RBM4: variants seen among roughly 807,000 people sequenced by gnomAD.
The protein encoded by RBM4 is RNA binding motif protein 4.
Under a neutral mutation model 29.5 loss-of-function variants are expected in RBM4, and 7 were observed. That is an observed-to-expected ratio of 0.24 (90% CI 0.14 to 0.45). The LOEUF is 0.45. Ranked by LOEUF, RBM4 falls within the 20% of genes least tolerant of loss-of-function variation. The probability of loss-of-function intolerance (pLI) is 1.00; values close to 1 mark genes in which losing one functional copy is unlikely to be tolerated. For synonymous variants in RBM4, 220 were observed against 205.4 expected (o/e 1.07, Z -0.61); for missense variants, 387 against 502.3 (o/e 0.77, Z 2.19).
At chr11:66,663,165 A>G (rs1339700625) in intron 2 of RBM4, among the ~76,000 whole-genome samples, 3 of 152,220 alleles carry the variant, frequency 2.0e-5, no homozygotes, top group Non-Finnish European at 4.4e-5. Flanking sequence ...AATGTGTTCT[A>G]TGGGGATCTA....
At chr11:66,665,412 G>A (rs1468464919) in intron 2 of RBM4, 3 of 652,386 alleles carry the variant, frequency 4.6e-6, no homozygotes, top group Admixed American at 2.5e-5. Flanking sequence ...GTTTCAGGAG[G>A]AAAGAAAAGT....
chr11:66,668,189 T>A (rs1315324740), exon 3 of RBM4: 1 of 165,168 alleles, frequency 6.1e-6, no homozygotes, highest in African/African-American at 2.4e-5. Flanking sequence ...TACCTTTCAT[T>A]TATCAAATGA....
chr11:66,640,963 A>C (rs1938430371), intron 2 of RBM4: 1 of 152,162 alleles, frequency 6.6e-6, no homozygotes, highest in Non-Finnish European at 1.5e-5. Flanking sequence ...TGGATTTTGA[A>C]TTTTCAGATT....
At chr11:66,657,480 G>C (rs1181304955) in intron 2 of RBM4, among the ~76,000 whole-genome samples, 1 of 151,378 alleles carries the variant, frequency 6.6e-6, no homozygotes, top group Non-Finnish European at 1.5e-5. Flanking sequence ...TCAGGAGCTC[G>C]AGAGCAGCCT....
intron 2 of RBM4, among the ~76,000 whole-genome samples, chr11:66,659,666 C>G (rs1002473959): frequency 6.6e-6 from 1 of 152,028 alleles, no homozygotes; most frequent in Non-Finnish European, 1.5e-5. Context: ...TTCAGTCTTC[C>G]TTATCCCATT....
downstream of RBM4, among the ~76,000 whole-genome samples, chr11:66,647,169 A>T (rs1043267224): frequency 6.6e-6 from 1 of 152,170 alleles, no homozygotes; most frequent in Non-Finnish European, 1.5e-5. Flanking sequence ...TTTGGTCTGT[A>T]CCTTCTTGCT....
exon 3 of RBM4, chr11:66,666,954 A>C (rs969944056): frequency 6.6e-6 from 1 of 150,824 alleles, no homozygotes; most frequent in African/African-American, 2.4e-5. Flanking sequence ...ACTCTTGCCC[A>C]GGCTGGAGTG....
rs770805530 is a variant in RBM4, at chr11:66,643,559, G to A, written c.522G>A (p.Glu174=). The change falls in exon 3 of 4, where the codon GAG becomes GAA. Residue 174 remains glutamate, a synonymous_variant. Transcript: ENST00000310092. This position sits in a 1 kb window ranked among gnomAD's most constrained non-coding sequence, Gnocchi z 6.1. ...GGAAAGAGGGGCACTGGTCCAAAGA[G>A]TGTCCGATAGATCGTTCAGGCCGCG... ...RCGKEGHWSK[E]CPIDRSGRVA... 3 of 1,614,150 alleles carry A rather than the reference G, an allele frequency of 1.9e-6. No individual in the cohort carries two copies. In the South Asian group the frequency reaches 3.3e-5, roughly 18 times the overall value.
intron 3 of RBM4, chr11:66,644,651 G>C: frequency 1.0e-6 from 1 of 980,124 alleles, no homozygotes. Context: ...TTACTAAGAA[G>C]ACTACCAAAA....
chr11:66,640,190 A>G (rs1590859795), intron 2 of RBM4, 67 bp downstream of exon 2: 2 of 1,596,674 alleles, frequency 1.3e-6, no homozygotes, highest in East Asian at 4.5e-5. Context: ...TGGATAAGTA[A>G]AAGGAGAGGT....
chr11:66,652,502 G>A (rs892053616), intron 2 of RBM4: 2 of 152,136 alleles, frequency 1.3e-5, no homozygotes, highest in Admixed American at 6.5e-5. Context: ...GGGAAGGTGG[G>A]GCCAGGGGAC....
intron 2 of RBM4, among the ~76,000 whole-genome samples, chr11:66,659,470 G>A (rs968966254): frequency 2.0e-5 from 3 of 151,594 alleles, no homozygotes; most frequent in Non-Finnish European, 2.9e-5. Flanking sequence ...ATTTAGAGAC[G>A]GGATTTCACC....
At chr11:66,652,366 T>A (rs1034176935) in intron 2 of RBM4, 3 of 152,272 alleles carry the variant, frequency 2.0e-5, no homozygotes, top group Non-Finnish European at 4.4e-5. Context: ...GCGCTGGGAT[T>A]ACAGGCGTGA....
rs552701750 is a variant in RBM4 at position 66,652,864 on chromosome 11, C to T, written c.412+12741C>T. Reference sequence around the variant, plus strand: ...GAAACATACAACCCCACCCGCACCCCCACCAAAACAGGGATGGTGCTTCCT... The same window carrying T: ...GAAACATACAACCCCACCCGCACCCTCACCAAAACAGGGATGGTGCTTCCT... On this transcript the variant is annotated intron_variant, in intron 2 of 2. Coordinates refer to the RBM4 transcript ENST00000396053. Among the ~76,000 whole-genome samples, 6 of 152,296 alleles carry T rather than the reference C, an allele frequency of 3.9e-5. No individual in the cohort carries two copies. The East Asian group carries it at 9.6e-4, about 24-fold the overall frequency.
chr11:66,665,684 GAAC>G, intron 2 of RBM4: 4 of 1,508,464 alleles, frequency 2.7e-6, no homozygotes, highest in Non-Finnish European at 3.5e-6. Context: ...GGAAAAAAAA[GAAC>G]AAAACAAAAC....
exon 3 of RBM4, chr11:66,667,259 C>G (rs779751858): frequency 1.3e-5 from 2 of 152,198 alleles, no homozygotes; most frequent in Non-Finnish European, 2.9e-5. Flanking sequence ...TCTTTAGATA[C>G]TCAAAATTAT....
In RBM4 at chr11:66,643,704, A is replaced by G; in HGVS notation, c.667A>G (p.Lys223Glu). The G allele has an allele frequency of 6.2e-7, 1 of 1,614,146 alleles. No individual in the cohort carries two copies. The highest frequency in any genetic ancestry group is 8.5e-7 in the Non-Finnish European group (1 of 1,180,008). ...GTACGGAGCGCTCGATGCCTACTAC[A>G]AGCGCTGCCGTGCTGCCCGGTCCTA... ...NAYGALDAYY[K>E]RCRAARSYEA... Residue 223 changes from lysine (K) to glutamate (E), a missense_variant, in exon 3 of 4, where the codon AAG becomes GAG. Transcript: ENST00000310092. The surrounding 1 kb of genome is among the most constrained non-coding windows in gnomAD (Gnocchi z 6.1).
At chr11:66,653,377 T>TC (rs1213517653) in intron 2 of RBM4, among the ~76,000 whole-genome samples, 1 of 151,484 alleles carries the variant, frequency 6.6e-6, no homozygotes, top group Non-Finnish European at 1.5e-5. Flanking sequence ...TTTTTTTTTT[T>TC]TTGAGAGGGA....
At chr11:66,650,026 C>T (rs911893948), downstream of RBM4, 9 of 492,996 alleles carry the variant, frequency 1.8e-5, no homozygotes, top group South Asian at 1.6e-4. Flanking sequence ...TACCATGTGG[C>T]GAATACAAAG....
Sources: gnomAD v4.1 joint callset for allele counts (sites outside exome capture counted in the v4.1 genomes callset) on GRCh38, gnomAD v4.1.1 for gene constraint, Gnocchi (gnomAD v3.1) non-coding constraint, MANE v1.5 for transcripts, NCBI Gene and HGNC (gene_info 2026-07-23, HGNC 2026-07-21) for gene names.